The following CUL5 variants were observed in gnomAD, a reference collection of about 807,000 sequenced individuals.
The protein encoded by CUL5 is cullin-5.
In CUL5, 26 loss-of-function variants were observed where a neutral mutation model predicts 108.8. The observed-to-expected ratio is 0.24, with a 90% CI of 0.18 to 0.33. The LOEUF (loss-of-function observed/expected upper bound fraction) is 0.33, where lower values mean the gene tolerates loss of function less well. CUL5 is among the 10% of genes least tolerant of loss of function. The pLI is 1.00. For synonymous variants in CUL5, 334 were observed against 298.0 expected, an observed-to-expected ratio of 1.12 and a Z score of -1.25; for missense variants, 524 against 909.2, an observed-to-expected ratio of 0.58 and a Z score of 5.45.
intron 11 of CUL5, among the ~76,000 whole-genome samples, chr11:108,087,084 G>A (rs544360907): frequency 1.3e-5 from 2 of 152,042 alleles, no homozygotes; most frequent in Admixed American, 1.3e-4. Flanking sequence ...TTTGCAAATG[G>A]CTCAGGAGGT....
chr11:108,098,378 A>T, intron 17 of CUL5, 28 bp from the exon 18 acceptor site: 1 of 1,582,202 alleles, frequency 6.3e-7, no homozygotes, highest in Non-Finnish European at 8.6e-7. Flanking sequence ...TTTTCACCAT[A>T]AAATACTTGA....
chr11:108,088,873 C>T (rs1176151825), intron 12 of CUL5, among the ~76,000 whole-genome samples: 1 of 151,648 alleles, frequency 6.6e-6, no homozygotes. Context: ...CCATTTAATT[C>T]CTCTCCTTTC....
At chr11:108,015,653 T>C (rs138401066) in intron 1 of CUL5, among the ~76,000 whole-genome samples, 26 of 152,238 alleles carry the variant, frequency 1.7e-4, no homozygotes, top group Middle Eastern at 3.4e-3. Flanking sequence ...TGGGTAGGAA[T>C]GGGAGAGGGA....
At chr11:108,011,492 T>C (rs891192868) in intron 1 of CUL5, among the ~76,000 whole-genome samples, 2 of 152,174 alleles carry the variant, frequency 1.3e-5, no homozygotes, top group African/African-American at 4.8e-5. Context: ...ACTTGAACAT[T>C]TACAAATAAA....
intron 1 of CUL5, among the ~76,000 whole-genome samples, chr11:108,009,757 A>G (rs1174343679): frequency 6.6e-6 from 1 of 152,184 alleles, no homozygotes; most frequent in Admixed American, 6.5e-5. Flanking sequence ...GGAAAAACCA[A>G]GAAAATGCTG....
At position 108,094,463 on chromosome 11, in the gene CUL5, T is replaced by A; in HGVS notation, c.1516T>A (p.Leu506Met). The change falls in exon 14 of 19, where the codon TTG becomes ATG. Residue 506 changes from leucine to methionine, a missense_variant. Around this residue, in one of 8 missense-constraint regions of CUL5, gnomAD observed 23 missense variants for 19.9 expected, o/e 1.16. Coordinates refer to ENST00000393094, the MANE Select transcript of CUL5 (RefSeq NM_003478.6). ...MFQDIKVSED[L>M]NQAFKEMHKN... ...TCAGGACATAAAAGTATCTGAAGAT[T>A]TGAACCAAGCTTTTAAGGAAATGCA... 1 of 1,555,678 alleles carries A rather than the reference T, an allele frequency of 6.4e-7. No homozygotes were observed. Among genetic ancestry groups the A allele is most frequent in the Non-Finnish European group, 8.8e-7 (1 of 1,139,500 alleles).
intron 3 of CUL5, among the ~76,000 whole-genome samples, chr11:108,049,310 T>C (rs1216209334): frequency 6.6e-6 from 1 of 152,150 alleles, no homozygotes; most frequent in African/African-American, 2.4e-5. Context: ...GGATATACCA[T>C]ATATTGTGGG....
At chr11:108,076,788 A>G (rs572286693) in intron 10 of CUL5, among the ~76,000 whole-genome samples, 9 of 152,232 alleles carry the variant, frequency 5.9e-5, no homozygotes, top group East Asian at 5.8e-4. Context: ...AGGATTTGCT[A>G]TTGAATCAGA....
chr11:108,027,904 G>T (rs1414268595), intron 1 of CUL5, among the ~76,000 whole-genome samples: 1 of 152,108 alleles, frequency 6.6e-6, no homozygotes, highest in Non-Finnish European at 1.5e-5. Flanking sequence ...TTTTTGTCCA[G>T]AATACCATAC....
At position 108,097,730 on chromosome 11, in the gene CUL5, C is replaced by A; in HGVS notation, c.2000C>A (p.Ser667Ter). 6.2e-7 allele frequency: 1 copy of A among 1,603,014 alleles called. No individual in the cohort carries two copies. Among genetic ancestry groups the A allele is most frequent in the Non-Finnish European group, 8.5e-7 (1 of 1,170,172 alleles). Reference protein sequence around the residue: ...PKDFTEGTLFSVNQEFSLIKN... With the variant: ...PKDFTEGTLF ...GACTTTACAGAAGGTACCCTCTTCTCAGTGAACCAGGAGTTCAGTTTAATG... is the reference window on the plus strand; with the variant it reads ...GACTTTACAGAAGGTACCCTCTTCTAAGTGAACCAGGAGTTCAGTTTAATG... The change falls in exon 17 of 19, where the codon TCA becomes TAA. Residue 667 changes from serine (S) to a stop codon, truncating the protein, a stop_gained. Coordinates refer to ENST00000393094, the MANE Select transcript of CUL5 (RefSeq NM_003478.6). LOFTEE classifies it high-confidence loss of function.
intron 1 of CUL5, among the ~76,000 whole-genome samples, chr11:108,011,777 G>A (rs1034692738): frequency 7.2e-5 from 11 of 152,074 alleles, no homozygotes; most frequent in Non-Finnish European, 1.6e-4. Context: ...ACAGGCGCAC[G>A]CCACCACGCC....
intron 2 of CUL5, among the ~76,000 whole-genome samples, chr11:108,039,966 A>G (rs1011405661): frequency 6.6e-6 from 1 of 152,158 alleles, no homozygotes; most frequent in Non-Finnish European, 1.5e-5. Context: ...AATACATATC[A>G]TTTTATCACA....
At chr11:108,088,189 A>T (rs1864268124) in intron 11 of CUL5, among the ~76,000 whole-genome samples, 1 of 152,228 alleles carries the variant, frequency 6.6e-6, no homozygotes, top group African/African-American at 2.4e-5. Flanking sequence ...CCAAGAATTT[A>T]ACAGTTTTTC....
intron 9 of CUL5, 93 bp from the exon 10 acceptor site, chr11:108,073,297 T>A: frequency 1.6e-6 from 1 of 637,396 alleles, no homozygotes; most frequent in Non-Finnish European, 2.7e-6. Flanking sequence ...TCCCCAGTTT[T>A]AAATGAGTTT....
In CUL5 at chr11:108,069,387, C is replaced by T. The variant is rs552556348; in HGVS notation, c.781-709C>T. 2.0e-5 allele frequency among the ~76,000 whole-genome samples: 3 copies of T among 152,208 alleles called. No homozygotes were observed. The South Asian group carries it at 6.2e-4, about 32-fold the overall frequency. On this transcript the variant is annotated intron_variant, in intron 7 of 18. Coordinates refer to ENST00000393094, the MANE Select transcript of CUL5 (RefSeq NM_003478.6). The stretch of plus-strand genomic sequence containing the variant: ...AGCCTATCTTTCTAGCCTTCTCTTC[C>T]ACTGTCTGTTTCTTCTCTACCATTT...
chr11:108,096,327 C>CT (rs1288390289), intron 16 of CUL5, among the ~76,000 whole-genome samples: 8 of 67,032 alleles, frequency 1.2e-4, no homozygotes, highest in East Asian at 4.3e-4. Flanking sequence ...AATCCCATCT[C>CT]TAAAAAAAAA....
At chr11:108,101,935 G>T (rs921327198) in intron 18 of CUL5, among the ~76,000 whole-genome samples, 1 of 152,198 alleles carries the variant, frequency 6.6e-6, no homozygotes, top group African/African-American at 2.4e-5. Context: ...AATTTATGAT[G>T]ATCAGGAGCC....
intron 18 of CUL5, among the ~76,000 whole-genome samples, chr11:108,099,588 TTTAG>T (rs1864594871): frequency 2.0e-5 from 3 of 152,270 alleles, no homozygotes; most frequent in Admixed American, 2.0e-4. Context: ...TGCTAAAATT[TTTAG>T]TTGTAATTTA....
chr11:108,068,442 C>G (rs1324956612), intron 7 of CUL5, among the ~76,000 whole-genome samples: 1 of 152,092 alleles, frequency 6.6e-6, no homozygotes, highest in African/African-American at 2.4e-5. Context: ...CCTCAGCCCC[C>G]CAACTCGCAG....
Sources: allele counts gnomAD v4.1 joint callset (sites outside exome capture counted in the v4.1 genomes callset), GRCh38; gene constraint gnomAD v4.1.1; regional missense constraint gnomAD v4.1.1; transcripts MANE v1.5; gene names NCBI Gene and HGNC (gene_info 2026-07-23, HGNC 2026-07-21).